GPR141: variants seen among roughly 807,000 people sequenced by gnomAD.
GPR141 encodes G protein-coupled receptor 141.
In GPR141, 6 loss-of-function variants were observed where a neutral mutation model predicts 6.8. The ratio of observed to expected loss-of-function variants is 0.88; its 90% CI spans 0.48 to 1.74. The LOEUF (loss-of-function observed/expected upper bound fraction) is 1.74, where lower values mean the gene tolerates loss of function less well. Ranked by LOEUF, GPR141 falls within the 40% of genes most tolerant of loss-of-function variation. GPR141 has a pLI of 0.01. For missense variants in GPR141, 372 were observed against 372.9 expected, an observed-to-expected ratio of 1.00 and a Z score of 0.02; for synonymous variants, 140 against 142.3, an observed-to-expected ratio of 0.98 and a Z score of 0.11.
At chr7:37,719,909 G>C (rs1393831362) in intron 2 of GPR141, among the ~76,000 whole-genome samples, 1 of 152,130 alleles carries the variant, frequency 6.6e-6, no homozygotes, top group Non-Finnish European at 1.5e-5. Context: ...TTAGAAATAA[G>C]GCAAGGATGG....
At chr7:37,715,459 A>G (rs1478144414) in intron 2 of GPR141, among the ~76,000 whole-genome samples, 1 of 152,186 alleles carries the variant, frequency 6.6e-6, no homozygotes, top group African/African-American at 2.4e-5. Context: ...TCCTTTAAAA[A>G]AAACCAAACC....
intron 2 of GPR141, among the ~76,000 whole-genome samples, chr7:37,700,181 A>G (rs535235749): frequency 6.6e-6 from 1 of 152,320 alleles, no homozygotes; most frequent in East Asian, 1.9e-4. Flanking sequence ...CCAAAAGAAG[A>G]TCTTGGATTA....
chr7:37,737,444 A>G (rs967042672), intron 2 of GPR141, among the ~76,000 whole-genome samples: 3 of 152,212 alleles, frequency 2.0e-5, no homozygotes, highest in African/African-American at 7.2e-5. Flanking sequence ...CCAGATAAAC[A>G]TACTACTGTC....
At chr7:37,691,139 G>A (rs901904958) in intron 2 of GPR141, among the ~76,000 whole-genome samples, 33 of 151,360 alleles carry the variant, frequency 2.2e-4, no homozygotes, top group African/African-American at 8.0e-4. Context: ...TCCTGCTCAC[G>A]TTTGGTTTCT....
intron 2 of GPR141, among the ~76,000 whole-genome samples, chr7:37,721,521 C>T (rs2131817926): frequency 6.6e-6 from 1 of 152,338 alleles, no homozygotes; most frequent in Middle Eastern, 3.4e-3. Flanking sequence ...GAAAGGTCTT[C>T]TCTGAACGGC....
intron 2 of GPR141, among the ~76,000 whole-genome samples, chr7:37,737,107 G>T (rs1360766626): frequency 6.6e-6 from 1 of 151,982 alleles, no homozygotes; most frequent in African/African-American, 2.4e-5. Flanking sequence ...AAGATTGCAA[G>T]AAAAAGGGAA....
rs1414073246 is a variant in GPR141, at chr7:37,740,558, C to T, written c.165C>T (p.Val55=). 1.2e-6 allele frequency: 2 copies of T among 1,614,020 alleles called. No homozygotes were observed. Among genetic ancestry groups the T allele is most frequent in the East Asian group, 4.5e-5 (2 of 44,900 alleles). The change falls in exon 3 of 3, where the codon GTC becomes GTT. Residue 55 remains valine (V), a synonymous_variant. Transcript: ENST00000334425. ...CCCGGTCAGTGACCACCATGGCGGT[C>T]ATTAACTTGGTGGTGGTCCACAGCG... ...MNTRSVTTMA[V]INLVVVHSVF...
intron 2 of GPR141, among the ~76,000 whole-genome samples, chr7:37,688,163 G>A (rs907648130): frequency 6.6e-5 from 10 of 152,084 alleles, no homozygotes; most frequent in Non-Finnish European, 1.5e-4. Context: ...TAGGCTGGGC[G>A]CGGTGACTCA....
At chr7:37,703,872 T>C (rs991633612) in intron 2 of GPR141, among the ~76,000 whole-genome samples, 1 of 152,184 alleles carries the variant, frequency 6.6e-6, no homozygotes, top group African/African-American at 2.4e-5. Context: ...TATTAGTATA[T>C]TTTTCACTTT....
intron 2 of GPR141, among the ~76,000 whole-genome samples, chr7:37,724,397 G>A (rs565341526): frequency 1.3e-5 from 2 of 152,240 alleles, no homozygotes; most frequent in Admixed American, 6.5e-5. Flanking sequence ...GAGAGAGTTC[G>A]AATATGAACA....
intron 2 of GPR141, among the ~76,000 whole-genome samples, chr7:37,720,790 G>A (rs1811289385): frequency 6.6e-6 from 1 of 151,004 alleles, no homozygotes; most frequent in Non-Finnish European, 1.5e-5. Flanking sequence ...AACCCTCTCT[G>A]GGATACATTA....
chr7:37,721,357 A>T (rs1811318425), intron 2 of GPR141, among the ~76,000 whole-genome samples: 1 of 152,200 alleles, frequency 6.6e-6, no homozygotes, highest in Non-Finnish European at 1.5e-5. Context: ...GGCACTCAGG[A>T]CCTGGTGACA....
chr7:37,713,082 A>G lies in GPR141; in HGVS notation c.-14-27298A>G, dbSNP rs1810885249. 3.3e-5 allele frequency among the ~76,000 whole-genome samples: 5 copies of G among 152,352 alleles called. No individual in the cohort carries two copies. In the South Asian group the frequency reaches 1.0e-3, roughly 32 times the overall value. Reference sequence around the variant, plus strand: ...CACATTGTGACTTCCACTTTGGTCTATGGGCCAAAGCAAGTCACCTGGCCA... The same window carrying G: ...CACATTGTGACTTCCACTTTGGTCTGTGGGCCAAAGCAAGTCACCTGGCCA... On this transcript the variant is annotated intron_variant, in intron 2 of 2. Transcript: ENST00000334425.
intron 2 of GPR141, among the ~76,000 whole-genome samples, chr7:37,694,104 G>T (rs760031286): frequency 3.9e-5 from 6 of 152,184 alleles, no homozygotes; most frequent in Non-Finnish European, 7.3e-5. Flanking sequence ...TTAGACTTTG[G>T]TGAGGTATGA....
intron 2 of GPR141, among the ~76,000 whole-genome samples, chr7:37,706,245 C>T (rs1810516767): frequency 1.3e-5 from 2 of 152,108 alleles, no homozygotes; most frequent in Non-Finnish European, 2.9e-5. Context: ...AGGGACTCTA[C>T]GGATGCATAG....
chr7:37,736,918 T>C (rs1812268135), intron 2 of GPR141, among the ~76,000 whole-genome samples: 1 of 152,178 alleles, frequency 6.6e-6, no homozygotes, highest in Non-Finnish European at 1.5e-5. Flanking sequence ...GGATTGAATG[T>C]TAATGATACA....
At chr7:37,733,205 A>T (rs1394293522) in intron 2 of GPR141, among the ~76,000 whole-genome samples, 2 of 152,184 alleles carry the variant, frequency 1.3e-5, no homozygotes, top group Admixed American at 1.3e-4. Context: ...AGCTATATCT[A>T]CAGGTGCTTT....
intron 2 of GPR141, among the ~76,000 whole-genome samples, chr7:37,727,657 G>A (rs1332998446): frequency 1.3e-5 from 2 of 152,118 alleles, no homozygotes; most frequent in South Asian, 2.1e-4. Flanking sequence ...GTTACCTGAA[G>A]CATGTACTTT....
chr7:37,704,624 G>A (rs2131767977), intron 2 of GPR141, among the ~76,000 whole-genome samples: 1 of 152,210 alleles, frequency 6.6e-6, no homozygotes, highest in African/African-American at 2.4e-5. Flanking sequence ...ATTTGAATGG[G>A]GACACAGCTA....
Sources: gnomAD v4.1 joint callset for allele counts (sites outside exome capture counted in the v4.1 genomes callset) on GRCh38, gnomAD v4.1.1 for gene constraint, MANE v1.5 for transcripts, NCBI Gene and HGNC (gene_info 2026-07-23, HGNC 2026-07-21) for gene names.